IP6K1: variants seen among roughly 807,000 people sequenced by gnomAD.
The protein encoded by IP6K1 is ATP:1D-myo-inositol-hexakisphosphate phosphotransferase.
In IP6K1, 13 loss-of-function variants were observed where a neutral mutation model predicts 38.3. The ratio of observed to expected loss-of-function variants is 0.34; its 90% CI spans 0.22 to 0.54. IP6K1 has a LOEUF of 0.54. IP6K1 is among the 20% of genes least tolerant of loss of function. IP6K1 has a pLI of 0.92. For synonymous variants in IP6K1, 212 were observed against 229.9 expected, an observed-to-expected ratio of 0.92 and a Z score of 0.70; for missense variants, 397 against 599.8, an observed-to-expected ratio of 0.66 and a Z score of 3.53.
In IP6K1 at chr3:49,732,021, C is replaced by T. The variant is rs1328865519; in HGVS notation, c.616+770G>A. On this transcript the variant is annotated intron_variant, in intron 4 of 5. Transcript: ENST00000321599. ...GTGCAATCATGGCCCACTGCAGTCTCGACTTCCTGGGCTCAAGCAATCCTC... is the reference window on the plus strand; with the variant it reads ...GTGCAATCATGGCCCACTGCAGTCTTGACTTCCTGGGCTCAAGCAATCCTC... Among the ~76,000 whole-genome samples, 4 of 151,978 alleles carry T rather than the reference C, an allele frequency of 2.6e-5. No homozygotes were observed. In the East Asian group the frequency reaches 5.8e-4, roughly 22 times the overall value.
intron 1 of IP6K1, chr3:49,775,518 A>G (rs898232829): frequency 2.1e-6 from 2 of 943,514 alleles, no homozygotes; most frequent in Non-Finnish European, 3.2e-6. Context: ...CATCTAGGAG[A>G]AGGATAGAGA....
rs774305021 is a variant in IP6K1, at chr3:49,728,282, G to C, written c.617-4C>G. 1 of 1,611,370 alleles carries C rather than the reference G, an allele frequency of 6.2e-7. No individual in the cohort carries two copies. The highest frequency in any genetic ancestry group is 1.1e-5 in the South Asian group (1 of 91,040). On this transcript the variant is annotated splice_polypyrimidine_tract_variant and splice_region_variant and intron_variant, in intron 4 of 5. Coordinates refer to ENST00000321599, the MANE Select transcript of IP6K1 (RefSeq NM_153273.4). Reference sequence around the variant, plus strand: ...ACGTTCTCAAGCAGGAGGAACTCTGGGCCACGGTCAAGGAGAATGACAACC... The same window carrying C: ...ACGTTCTCAAGCAGGAGGAACTCTGCGCCACGGTCAAGGAGAATGACAACC...
chr3:49,776,675 T>C (rs889525875), intron 1 of IP6K1, among the ~76,000 whole-genome samples: 8 of 152,198 alleles, frequency 5.3e-5, no homozygotes, highest in African/African-American at 1.9e-4. Flanking sequence ...TGTCACTCTG[T>C]GCACATCTAT....
At chr3:49,731,986 G>C (rs62262722) in intron 4 of IP6K1, among the ~76,000 whole-genome samples, 16,923 of 151,404 alleles carry the variant, frequency 0.11, 1,269 homozygotes, top group Middle Eastern at 0.19. Flanking sequence ...CTAGAAGCTA[G>C]AATGTAGTGG....
intron 4 of IP6K1, among the ~76,000 whole-genome samples, chr3:49,729,573 A>G (rs1289913614): frequency 1.3e-5 from 2 of 150,962 alleles, no homozygotes; most frequent in African/African-American, 2.4e-5. Context: ...TGCCTGGCTA[A>G]TTTTGTATTT....
intron 1 of IP6K1, among the ~76,000 whole-genome samples, chr3:49,785,282 T>TG (rs1330223282): frequency 6.7e-6 from 1 of 148,752 alleles, no homozygotes; most frequent in Non-Finnish European, 1.5e-5. Flanking sequence ...CCAAGGGGGG[T>TG]GGATCACGAG....
chr3:49,730,472 A>G (rs770752986), intron 4 of IP6K1, among the ~76,000 whole-genome samples: 2 of 152,372 alleles, frequency 1.3e-5, no homozygotes, highest in South Asian at 2.1e-4. Context: ...ACATCTTGGT[A>G]GCACTACTAC....
At chr3:49,767,140 C>T (rs1426703663) in intron 1 of IP6K1, among the ~76,000 whole-genome samples, 1 of 151,498 alleles carries the variant, frequency 6.6e-6, no homozygotes, top group Non-Finnish European at 1.5e-5. Flanking sequence ...CTGAGTTGCA[C>T]TGGCTCATAC....
chr3:49,764,470 G>A (rs981891983), intron 1 of IP6K1, among the ~76,000 whole-genome samples: 1 of 152,150 alleles, frequency 6.6e-6, no homozygotes, highest in Non-Finnish European at 1.5e-5. Flanking sequence ...TCAACAGTAG[G>A]CTACTAATAA....
At chr3:49,754,489 G>C (rs2080805494) in intron 1 of IP6K1, among the ~76,000 whole-genome samples, 1 of 152,196 alleles carries the variant, frequency 6.6e-6, no homozygotes, top group Admixed American at 6.5e-5. Context: ...TTCAAGACCA[G>C]TCTGGGCAAC....
chr3:49,736,770 ATTTT>A (rs71080546), intron 3 of IP6K1, among the ~76,000 whole-genome samples: 2 of 108,778 alleles, frequency 1.8e-5, no homozygotes, highest in Non-Finnish European at 1.9e-5. Context: ...TTTGGATTTA[ATTTT>A]TTTTTTTTTT....
chr3:49,728,436 A>T (rs1480731225), intron 4 of IP6K1, 158 bp from the exon 5 acceptor site: 1 of 622,618 alleles, frequency 1.6e-6, no homozygotes, highest in Non-Finnish European at 2.8e-6. Flanking sequence ...CTTATTACTT[A>T]ACCAATAAAA....
chr3:49,734,061 C>T (rs955631085), intron 3 of IP6K1, among the ~76,000 whole-genome samples: 1 of 152,060 alleles, frequency 6.6e-6, no homozygotes, highest in Admixed American at 6.6e-5. Flanking sequence ...TCACCTGAGC[C>T]CAGGGGGCTG....
At chr3:49,780,265 A>G (rs1392063252) in intron 1 of IP6K1, among the ~76,000 whole-genome samples, 1 of 134,238 alleles carries the variant, frequency 7.4e-6, no homozygotes, top group African/African-American at 2.7e-5. Flanking sequence ...AAATAAACGT[A>G]ACTTCAAACC....
chr3:49,771,648 C>T (rs2080960829), intron 1 of IP6K1, among the ~76,000 whole-genome samples: 2 of 152,146 alleles, frequency 1.3e-5, no homozygotes, highest in South Asian at 4.1e-4. Flanking sequence ...ATTATAGTTT[C>T]CTATAAAGCT....
At chr3:49,775,624 G>A (rs1302720184) in intron 1 of IP6K1, 2 of 887,344 alleles carry the variant, frequency 2.3e-6, no homozygotes, top group Non-Finnish European at 3.3e-6. Flanking sequence ...ATTGGTGGGT[G>A]GCCCCTTCCT....
intron 1 of IP6K1, among the ~76,000 whole-genome samples, chr3:49,763,834 G>T (rs2080886496): frequency 6.6e-6 from 1 of 151,754 alleles, no homozygotes; most frequent in South Asian, 2.1e-4. Flanking sequence ...TGGCCAACAT[G>T]GTGAAACCCC....
chr3:49,755,049 C>T (rs1189574174), intron 1 of IP6K1, among the ~76,000 whole-genome samples: 1 of 151,036 alleles, frequency 6.6e-6, no homozygotes, highest in Admixed American at 6.6e-5. Context: ...CCCATATCAT[C>T]AGCCTTCCAA....
chr3:49,775,110 G>A (rs1280444626), intron 1 of IP6K1, among the ~76,000 whole-genome samples: 2 of 152,258 alleles, frequency 1.3e-5, no homozygotes, highest in Admixed American at 6.5e-5. Flanking sequence ...CACATTCCTT[G>A]TAAGGTAATC....
Sources: gnomAD v4.1 joint callset for allele counts (sites outside exome capture counted in the v4.1 genomes callset) on GRCh38, gnomAD v4.1.1 for gene constraint, MANE v1.5 for transcripts, NCBI Gene and HGNC (gene_info 2026-07-23, HGNC 2026-07-21) for gene names.